The following CCDC63 variants were observed in gnomAD, a reference collection of about 807,000 sequenced individuals.
CCDC63 encodes the protein coiled-coil domain containing 63, also known as coiled-coil domain-containing protein 63.
CCDC63 carries 54 observed loss-of-function variants against 63.6 expected under a neutral mutation model. That is an observed-to-expected ratio of 0.85 (90% CI 0.68 to 1.07). The LOEUF (loss-of-function observed/expected upper bound fraction) is 1.07, where lower values mean the gene tolerates loss of function less well. Ranked by LOEUF, CCDC63 falls within the 50% of genes least tolerant of loss-of-function variation. The pLI, the probability that CCDC63 is intolerant of heterozygous loss-of-function variation, is 0.00. For synonymous variants in CCDC63, 253 were observed against 266.1 expected (o/e 0.95, Z 0.48); for missense variants, 637 against 689.6 (o/e 0.92, Z 0.86).
intron 9 of CCDC63, among the ~76,000 whole-genome samples, 155 bp downstream of exon 9, chr12:110,893,305 C>T (rs1023722165): frequency 6.6e-6 from 1 of 152,222 alleles, no homozygotes; most frequent in Admixed American, 6.5e-5. Context: ...GCCTGGATCA[C>T]ATCCAGACAT....
At position 110,858,712 on chromosome 12, in the gene CCDC63, TAAG is replaced by T. The variant is rs754589851; in HGVS notation, c.307_309del (p.Lys103del). 1.2e-6 allele frequency: 2 copies of T among 1,614,076 alleles called. No homozygotes were observed. On this transcript the variant is annotated inframe_deletion, in exon 4 of 12. Coordinates refer to ENST00000308208, the MANE Select transcript of CCDC63 (RefSeq NM_152591.3). Reference sequence around the variant, plus strand: ...TGGAGCTGCGACTCCTGCTCCAAACTAAGGAGGACTATGAGGCATTGATTAAAT... The same window carrying T: ...TGGAGCTGCGACTCCTGCTCCAAACTGAGGACTATGAGGCATTGATTAAAT...
intron 8 of CCDC63, among the ~76,000 whole-genome samples, chr12:110,892,135 G>T (rs890402950): frequency 6.6e-6 from 1 of 152,126 alleles, no homozygotes; most frequent in African/African-American, 2.4e-5. Context: ...CAAGCCTCCA[G>T]GTGACTCTGG....
chr12:110,871,998 C>T (rs2071074347), intron 4 of CCDC63, among the ~76,000 whole-genome samples: 1 of 152,116 alleles, frequency 6.6e-6, no homozygotes, highest in Non-Finnish European at 1.5e-5. Flanking sequence ...AGAATATTTT[C>T]CCTTTACTGA....
Position 110,881,280 on chromosome 12 carries a change from G to A in CCDC63, c.837G>A (p.Gln279=), listed in dbSNP as rs201816633. The change falls in exon 7 of 12, where the codon CAG becomes CAA. Residue 279 remains glutamine, a synonymous_variant. Transcript: ENST00000308208. ...KLNDRNEFEE[Q]AKREEALKAK... ...ATGATCGCAATGAATTCGAGGAGCA[G>A]GCCAAAAGGGAGGAAGGTACACCCT... 3.1e-6 allele frequency: 5 copies of A among 1,613,398 alleles called. No homozygotes were observed. Among genetic ancestry groups the A allele is most frequent in the Non-Finnish European group, 3.4e-6 (4 of 1,179,726 alleles).
chr12:110,896,325 G>A (rs1350788729), intron 9 of CCDC63, among the ~76,000 whole-genome samples: 3 of 152,038 alleles, frequency 2.0e-5, no homozygotes, highest in Non-Finnish European at 4.4e-5. Context: ...TTTAGAAAGG[G>A]CCGCTCTTGT....
At chr12:110,905,120 T>C (rs1174457212) in intron 11 of CCDC63, among the ~76,000 whole-genome samples, 1 of 152,170 alleles carries the variant, frequency 6.6e-6, no homozygotes, top group East Asian at 1.9e-4. Flanking sequence ...TGGCAAGTTA[T>C]GAGTAAACAG....
intron 8 of CCDC63, among the ~76,000 whole-genome samples, chr12:110,886,385 CAAAAAAA>C (rs900350382): frequency 6.8e-6 from 1 of 148,020 alleles, no homozygotes; most frequent in African/African-American, 2.5e-5. Flanking sequence ...GACTTCGTCT[CAAAAAAA>C]ACCAAAAAAA....
At chr12:110,902,033 G>A (rs1056035938) in intron 10 of CCDC63, among the ~76,000 whole-genome samples, 1 of 152,070 alleles carries the variant, frequency 6.6e-6, no homozygotes, top group South Asian at 2.1e-4. Flanking sequence ...GTTTCACCAC[G>A]TTGGCCAGGC....
chr12:110,872,562 T>C (rs2071080751), intron 4 of CCDC63, among the ~76,000 whole-genome samples: 2 of 152,358 alleles, frequency 1.3e-5, no homozygotes, highest in Middle Eastern at 6.8e-3. Flanking sequence ...CAGTCCCGGA[T>C]AATTCAGTGT....
In CCDC63 at chr12:110,893,087, C is replaced by T; in HGVS notation, c.1086C>T (p.Ile362=). 2.5e-6 allele frequency: 4 copies of T among 1,614,068 alleles called. No homozygotes were observed. The highest frequency in any genetic ancestry group is 3.4e-6 in the Non-Finnish European group (4 of 1,179,954). Residue 362 remains isoleucine, a synonymous_variant, in exon 9 of 12, where the codon ATC becomes ATT. Coordinates refer to ENST00000308208, the MANE Select transcript of CCDC63 (RefSeq NM_152591.3). ...KRTQRIQDEI[I]LLRSQQKLSH... The stretch of plus-strand genomic sequence containing the variant: ...TCTCTCCCGAGCAGGACGAGATCAT[C>T]CTCTTGCGATCCCAGCAGAAATTGT...
At chr12:110,853,018 G>A in intron 2 of CCDC63, 55 bp downstream of exon 2, 1 of 1,573,308 alleles carries the variant, frequency 6.4e-7, no homozygotes, top group South Asian at 1.1e-5. Context: ...CAGGCACTGT[G>A]CCATCCACTT....
intron 9 of CCDC63, among the ~76,000 whole-genome samples, chr12:110,897,741 T>G (rs1035031338): frequency 2.0e-5 from 3 of 150,448 alleles, no homozygotes; most frequent in Non-Finnish European, 4.4e-5. Flanking sequence ...TGTTTTTTTT[T>G]TTTTTTTTTG....
chr12:110,867,120 G>A (rs1336285271), intron 4 of CCDC63, among the ~76,000 whole-genome samples: 3 of 139,226 alleles, frequency 2.2e-5, no homozygotes, highest in African/African-American at 2.7e-5. Context: ...GGCCGGGCAG[G>A]GGGGCTGACC....
chr12:110,873,827 C>G lies in CCDC63; in HGVS notation c.370-15C>G, dbSNP rs2071095651. 6.2e-7 allele frequency: 1 copy of G among 1,611,692 alleles called. No individual in the cohort carries two copies. The highest frequency in any genetic ancestry group is 8.5e-7 in the Non-Finnish European group (1 of 1,179,414). On this transcript the variant is annotated splice_polypyrimidine_tract_variant and intron_variant, in intron 4 of 11. Coordinates refer to ENST00000308208, the MANE Select transcript of CCDC63 (RefSeq NM_152591.3). ...GCTAACACAGCTGGAATTTCTCTCT[C>G]TCTCTCTTTTTCAGATTCTTCAGAT...
chr12:110,906,340 GA>G (rs2071582192), intron 11 of CCDC63, among the ~76,000 whole-genome samples: 1 of 146,830 alleles, frequency 6.8e-6, no homozygotes. Context: ...GGAGGAGGAG[GA>G]GGAGGGAGGG....
chr12:110,890,359 A>G (rs1043691213), intron 8 of CCDC63, among the ~76,000 whole-genome samples: 2 of 152,114 alleles, frequency 1.3e-5, no homozygotes, highest in East Asian at 1.9e-4. Flanking sequence ...TTACAGGGGG[A>G]AAAAAAGCAA....
At chr12:110,898,679 G>C (rs1421406219) in intron 9 of CCDC63, among the ~76,000 whole-genome samples, 1 of 151,740 alleles carries the variant, frequency 6.6e-6, no homozygotes, top group Admixed American at 6.6e-5. Flanking sequence ...ACAAGTAAGT[G>C]AAGCAAAACT....
At position 110,899,013 on chromosome 12, in the gene CCDC63, G is replaced by A. The variant is rs778921953; in HGVS notation, c.1230G>A (p.Leu410=). ...AGGTCAGCAAGACCTTGGATCTATT[G>A]AAGAACTCAGTGGAGAAACTGTTCA... ...YGEVSKTLDL[L]KNSVEKLFKK... Residue 410 remains leucine, a synonymous_variant, in exon 10 of 12, where the codon TTG becomes TTA. Coordinates refer to ENST00000308208, the MANE Select transcript of CCDC63 (RefSeq NM_152591.3). 2 of 1,613,808 alleles carry A rather than the reference G, an allele frequency of 1.2e-6. No individual in the cohort carries two copies. The highest frequency in any genetic ancestry group is 1.7e-6 in the Non-Finnish European group (2 of 1,179,908).
At position 110,904,718 on chromosome 12, in the gene CCDC63, C is replaced by T. The variant is rs115334501; in HGVS notation, c.1473C>T (p.Leu491=). ...CTTTCTGGGGTGGCTCTGCCCTCCTCAAGCCCCCAGAACCCATCAAAGTCA... is the reference window on the plus strand; with the variant it reads ...CTTTCTGGGGTGGCTCTGCCCTCCTTAAGCCCCCAGAACCCATCAAAGTCA... ...INPFWGGSAL[L]KPPEPIKVIP... Residue 491 remains leucine (L), a synonymous_variant, in exon 11 of 12, where the codon CTC becomes CTT. Transcript: ENST00000308208. 2.1e-4 allele frequency: 335 copies of T among 1,614,100 alleles called. No individual in the cohort carries two copies. The African/African-American group carries it at 3.2e-3, about 15-fold the overall frequency.
Sources: allele counts gnomAD v4.1 joint callset (sites outside exome capture counted in the v4.1 genomes callset), GRCh38; gene constraint gnomAD v4.1.1; transcripts MANE v1.5; gene names NCBI Gene and HGNC (gene_info 2026-07-23, HGNC 2026-07-21).